PDE6A: variants seen among roughly 807,000 people sequenced by gnomAD.
PDE6A encodes the protein rod cGMP-specific 3',5'-cyclic phosphodiesterase subunit alpha.
In PDE6A, 84 loss-of-function variants were observed where a neutral mutation model predicts 106.3. The ratio of observed to expected loss-of-function variants is 0.79; its 90% CI spans 0.66 to 0.95. The LOEUF (loss-of-function observed/expected upper bound fraction) is 0.95, where lower values mean the gene tolerates loss of function less well. PDE6A is among the 40% of genes least tolerant of loss of function. The pLI, the probability that PDE6A is intolerant of heterozygous loss-of-function variation, is 0.00. For synonymous variants in PDE6A, 394 were observed against 386.6 expected (o/e 1.02, Z -0.23); for missense variants, 1,052 against 1,084.9 (o/e 0.97, Z 0.43).
chr5:149,874,664 G>A (rs899138213), intron 17 of PDE6A, among the ~76,000 whole-genome samples: 2 of 152,178 alleles, frequency 1.3e-5, no homozygotes, highest in East Asian at 1.9e-4. Context: ...GGGGCTGAAA[G>A]TTCCAAGCTT....
rs779249305 is a variant in PDE6A, at chr5:149,931,043, G to C, written c.843C>G (p.Asp281Glu). The C allele has an allele frequency of 9.3e-6, 15 of 1,614,100 alleles. No homozygotes were observed. In the Admixed American group the frequency reaches 2.5e-4, roughly 27 times the overall value. The change falls in exon 4 of 22, where the codon GAC (aspartate) becomes GAG (glutamate). Residue 281 changes from aspartate (D) to glutamate (E), a missense_variant. Coordinates refer to ENST00000255266, the MANE Select transcript of PDE6A (RefSeq NM_000440.3). Reference protein sequence around the residue: ...NCDRYSVGLLDMTKQKEFFDV... With the variant: ...NCDRYSVGLLEMTKQKEFFDV... ...GTTTTCTCACCTTCTGCTTGGTCAT[G>C]TCTAAGAGACCCACAGAGTATCTGT...
intron 17 of PDE6A, among the ~76,000 whole-genome samples, chr5:149,881,136 T>C (rs1019285086): frequency 1.3e-5 from 2 of 152,154 alleles, no homozygotes; most frequent in Non-Finnish European, 2.9e-5. Context: ...GGAATCCTTA[T>C]GCACTGCTGG....
At chr5:149,880,850 G>A (rs912202303) in intron 17 of PDE6A, among the ~76,000 whole-genome samples, 2 of 152,026 alleles carry the variant, frequency 1.3e-5, no homozygotes, top group African/African-American at 4.8e-5. Context: ...CTTGAGGTCA[G>A]GAGTTTGAGA....
At chr5:149,904,278 G>GT (rs1199702813) in intron 7 of PDE6A, among the ~76,000 whole-genome samples, 5 of 152,202 alleles carry the variant, frequency 3.3e-5, no homozygotes, top group Non-Finnish European at 7.4e-5. Context: ...TTTGGGTTCT[G>GT]TTTTGTTTGG....
chr5:149,869,830 G>C (rs1230620468), intron 17 of PDE6A, among the ~76,000 whole-genome samples: 1 of 152,176 alleles, frequency 6.6e-6, no homozygotes, highest in Non-Finnish European at 1.5e-5. Context: ...GAGACCAATG[G>C]GCAGGAACTG....
intron 17 of PDE6A, among the ~76,000 whole-genome samples, chr5:149,870,416 A>G (rs923443296): frequency 1.3e-5 from 2 of 152,182 alleles, no homozygotes; most frequent in African/African-American, 4.8e-5. Context: ...ACTGTCAGAT[A>G]GGTTGAGCAA....
chr5:149,863,234 T>C lies in PDE6A; in HGVS notation c.2391A>G (p.Pro797=), dbSNP rs1239239406. The C allele has an allele frequency of 6.2e-7, 1 of 1,614,176 alleles. No individual in the cohort carries two copies. The highest frequency in any genetic ancestry group is 8.5e-7 in the Non-Finnish European group (1 of 1,180,024). Residue 797 remains proline (P), a synonymous_variant, in exon 21 of 22, where the codon CCA becomes CCG. Coordinates refer to ENST00000255266, the MANE Select transcript of PDE6A (RefSeq NM_000440.3). The surrounding 1 kb of genome is among the most constrained non-coding windows in gnomAD (Gnocchi z 4.7). The stretch of plus-strand genomic sequence containing the variant: ...GATTGTTGGTGATCCCGTCCAACAT[T>C]GGGGTGATCTCCTCGTGGAAACGGG... ...EFSRFHEEIT[P]MLDGITNNRK... is the part of the protein sequence containing the mutation.
intron 16 of PDE6A, 58 bp downstream of exon 16, chr5:149,884,421 T>C: frequency 1.0e-6 from 1 of 999,316 alleles, no homozygotes; most frequent in Non-Finnish European, 1.6e-6. Context: ...TGTATATATA[T>C]ATATGCATAC....
Position 149,875,846 on chromosome 5 carries a change from G to A in PDE6A, c.2135+7583C>T, listed in dbSNP as rs112863965. Among the ~76,000 whole-genome samples, 29 of 152,248 alleles carry A rather than the reference G, an allele frequency of 1.9e-4. 1 individual carries two copies. The highest frequency in any genetic ancestry group is 7.0e-4 in the African/African-American group (29 of 41,554). On this transcript the variant is annotated intron_variant, in intron 17 of 21. Transcript: ENST00000255266. ...TTCTTTACCCACAATAAAAGCACAT[G>A]AGCAAGCTTTTCTTTAAGAGTCTAG...
intron 7 of PDE6A, among the ~76,000 whole-genome samples, chr5:149,904,504 G>A (rs1753110826): frequency 6.6e-6 from 1 of 152,108 alleles, no homozygotes; most frequent in Non-Finnish European, 1.5e-5. Flanking sequence ...ACAGGCATCT[G>A]GCTGAGGGGC....
At chr5:149,893,087 A>C (rs988763330) in intron 13 of PDE6A, among the ~76,000 whole-genome samples, 5 of 152,228 alleles carry the variant, frequency 3.3e-5, no homozygotes, top group Non-Finnish European at 7.3e-5. Context: ...ATGCCAAAGC[A>C]TATTTTCATC....
At chr5:149,921,968 T>C (rs1753736320) in intron 4 of PDE6A, among the ~76,000 whole-genome samples, 1 of 152,192 alleles carries the variant, frequency 6.6e-6, no homozygotes, top group African/African-American at 2.4e-5. Context: ...CTCAGTGTTA[T>C]TGGACATGAG....
At chr5:149,865,425 C>G (rs1001226065) in intron 20 of PDE6A, among the ~76,000 whole-genome samples, 1 of 140,172 alleles carries the variant, frequency 7.1e-6, no homozygotes, top group Non-Finnish European at 1.6e-5. Context: ...AAAAAAAAAA[C>G]CAGCAAAAAA....
chr5:149,909,779 A>G (rs1273438075), intron 6 of PDE6A, among the ~76,000 whole-genome samples: 3 of 152,170 alleles, frequency 2.0e-5, no homozygotes, highest in Non-Finnish European at 2.9e-5. Context: ...ATATTTTCAT[A>G]TCTTTCAGCT....
intron 13 of PDE6A, among the ~76,000 whole-genome samples, chr5:149,890,353 T>C (rs1752501724): frequency 6.6e-6 from 1 of 152,240 alleles, no homozygotes; most frequent in Non-Finnish European, 1.5e-5. Context: ...AGATATCTCT[T>C]CTTGTAAAAA....
chr5:149,867,478 G>A, intron 19 of PDE6A: 1 of 594,896 alleles, frequency 1.7e-6, no homozygotes, highest in Admixed American at 2.7e-5. Flanking sequence ...AGCATTCATT[G>A]CAGGGGCCCA....
At chr5:149,870,987 G>A (rs1371205695) in intron 17 of PDE6A, among the ~76,000 whole-genome samples, 1 of 151,884 alleles carries the variant, frequency 6.6e-6, no homozygotes, top group Non-Finnish European at 1.5e-5. Context: ...AAAAGTGAAG[G>A]TGACTAGCTC....
chr5:149,869,664 G>A (rs1760464801), intron 17 of PDE6A, among the ~76,000 whole-genome samples: 1 of 152,222 alleles, frequency 6.6e-6, no homozygotes, highest in Admixed American at 6.5e-5. Flanking sequence ...AGGCCCAATT[G>A]TGACCTCTTC....
At chr5:149,873,348 T>C (rs1273114158) in intron 17 of PDE6A, among the ~76,000 whole-genome samples, 1 of 151,682 alleles carries the variant, frequency 6.6e-6, no homozygotes, top group Non-Finnish European at 1.5e-5. Flanking sequence ...TTTTTTTTTT[T>C]TGAGACCGAG....
Sources: gnomAD v4.1 joint callset for allele counts (sites outside exome capture counted in the v4.1 genomes callset) on GRCh38, gnomAD v4.1.1 for gene constraint, Gnocchi (gnomAD v3.1) non-coding constraint, MANE v1.5 for transcripts, NCBI Gene and HGNC (gene_info 2026-07-23, HGNC 2026-07-21) for gene names.